The following PXDNL variants were observed in gnomAD, a reference collection of about 807,000 sequenced individuals.
The protein encoded by PXDNL is probable oxidoreductase PXDNL.
In PXDNL, 145 loss-of-function variants were observed where a neutral mutation model predicts 150.8. The observed-to-expected ratio is 0.96, with a 90% CI of 0.84 to 1.10. The LOEUF (loss-of-function observed/expected upper bound fraction) is 1.10. Ranked by LOEUF, PXDNL falls within the 50% of genes least tolerant of loss-of-function variation. The pLI is 0.00. For synonymous variants in PXDNL, 757 were observed against 725.7 expected, an observed-to-expected ratio of 1.04 and a Z score of -0.69; for missense variants, 2,087 against 1,873.9, an observed-to-expected ratio of 1.11 and a Z score of -2.10.
intron 18 of PXDNL, among the ~76,000 whole-genome samples, chr8:51,373,835 C>T (rs970084635): frequency 2.6e-5 from 4 of 152,158 alleles, no homozygotes; most frequent in Admixed American, 2.6e-4. Flanking sequence ...ATACCATGCC[C>T]TGGAACATAC....
chr8:51,696,805 T>TCACACACACACACA (rs769772282), intron 1 of PXDNL, among the ~76,000 whole-genome samples: 1 of 26,422 alleles, frequency 3.8e-5, no homozygotes, highest in African/African-American at 2.4e-4. Flanking sequence ...ACATAGGTCT[T>TCACACACACACACA]CACACACACA....
At chr8:51,421,937 A>G (rs1002979038) in intron 14 of PXDNL, among the ~76,000 whole-genome samples, 2 of 152,102 alleles carry the variant, frequency 1.3e-5, no homozygotes, top group Non-Finnish European at 2.9e-5. Context: ...CCAACCCCCA[A>G]TACTGGTCAC....
At chr8:51,723,752 T>C (rs908622902) in intron 1 of PXDNL, among the ~76,000 whole-genome samples, 1 of 152,126 alleles carries the variant, frequency 6.6e-6, no homozygotes, top group Non-Finnish European at 1.5e-5. Context: ...GGCTGTTTCC[T>C]AAGGGCAGTC....
Position 51,763,320 on chromosome 8 carries a change from T to TAAAA in PXDNL, c.164+45857_164+45860dup, listed in dbSNP as rs58440027. 2.5e-3 allele frequency among the ~76,000 whole-genome samples: 354 copies of TAAAA among 141,684 alleles called. 1 individual carries two copies. Among genetic ancestry groups the TAAAA allele is most frequent in the Non-Finnish European group, 4.4e-3 (283 of 64,846 alleles). The allele number at this position is 141,684 out of a possible 152,430, so 93.0% of individuals were successfully genotyped here. A position where few individuals can be genotyped will look rare whatever the true frequency, so the allele number is the denominator to read the frequency against. On this transcript the variant is annotated intron_variant, in intron 1 of 22. Coordinates refer to ENST00000356297, the MANE Select transcript of PXDNL (RefSeq NM_144651.5). ...ACATGTACCCTAGAACTTAAAGTAT[T>TAAAA]AAAAAAAAAAAAAAGAACCAAAATG...
At chr8:51,557,714 C>T (rs866917849) in intron 3 of PXDNL, among the ~76,000 whole-genome samples, 2 of 152,064 alleles carry the variant, frequency 1.3e-5, no homozygotes, top group Admixed American at 6.6e-5. Context: ...TAAAGTTCAC[C>T]CACAAACCTA....
chr8:51,595,991 A>G (rs1813555800), intron 2 of PXDNL, among the ~76,000 whole-genome samples: 1 of 152,068 alleles, frequency 6.6e-6, no homozygotes, highest in Non-Finnish European at 1.5e-5. Flanking sequence ...GGTATGGATA[A>G]TCCCATCACC....
chr8:51,673,825 A>G (rs1353285443), intron 1 of PXDNL, among the ~76,000 whole-genome samples: 1 of 152,236 alleles, frequency 6.6e-6, no homozygotes, highest in African/African-American at 2.4e-5. Flanking sequence ...TCAGCAATTT[A>G]GACTTAAAAG....
chr8:51,447,017 A>G lies in PXDNL; in HGVS notation c.1512T>C (p.Thr504=). 6.2e-7 allele frequency: 1 copy of G among 1,613,970 alleles called. No homozygotes were observed. The highest frequency in any genetic ancestry group is 1.1e-5 in the South Asian group (1 of 91,078). ...LGVKKVSVQL[T]VKPKALAVFT... ...AGTATATATTACCTTTGGGTTTTAC[A>G]GTCAGCTGCACAGACACCTTTTTCA... The change falls in exon 12 of 23, where the codon ACT becomes ACC. Residue 504 remains threonine, a synonymous_variant. Transcript: ENST00000356297.
At chr8:51,381,182 T>G (rs940928292) in intron 17 of PXDNL, among the ~76,000 whole-genome samples, 7 of 152,216 alleles carry the variant, frequency 4.6e-5, no homozygotes, top group African/African-American at 1.7e-4. Context: ...ATTCCCTAAA[T>G]GACTCCATGG....
intron 19 of PXDNL, among the ~76,000 whole-genome samples, chr8:51,349,160 TGG>T (rs1402850270): frequency 1.1e-4 from 8 of 70,698 alleles, no homozygotes; most frequent in South Asian, 6.6e-4. Context: ...TAACGGTGGG[TGG>T]GTGTGTGTGT....
intron 1 of PXDNL, among the ~76,000 whole-genome samples, chr8:51,674,743 G>T (rs913773823): frequency 2.6e-5 from 4 of 152,182 alleles, no homozygotes; most frequent in Non-Finnish European, 5.9e-5. Context: ...CCCCATGGGC[G>T]CTGTGCAGCC....
At chr8:51,421,670 G>C (rs1430384550) in intron 14 of PXDNL, among the ~76,000 whole-genome samples, 2 of 152,174 alleles carry the variant, frequency 1.3e-5, no homozygotes, top group South Asian at 4.1e-4. Context: ...CTGCACTCCA[G>C]CCTGGGCAAC....
intron 1 of PXDNL, among the ~76,000 whole-genome samples, chr8:51,718,199 C>T (rs916860988): frequency 6.6e-6 from 1 of 152,050 alleles, no homozygotes; most frequent in Non-Finnish European, 1.5e-5. Flanking sequence ...CCAAGCAGAC[C>T]CCAACACCAC....
chr8:51,758,891 A>C (rs780900040), intron 1 of PXDNL, among the ~76,000 whole-genome samples: 5 of 152,196 alleles, frequency 3.3e-5, no homozygotes, highest in African/African-American at 4.8e-5. Flanking sequence ...CCACAGCTCT[A>C]ATCCTCCCTG....
At chr8:51,407,769 G>C (rs770311093) in intron 17 of PXDNL, among the ~76,000 whole-genome samples, 6 of 152,166 alleles carry the variant, frequency 3.9e-5, no homozygotes, top group Non-Finnish European at 8.8e-5. Context: ...GCCTTGCTTG[G>C]ATTACCGCAG....
chr8:51,405,436 T>G (rs1428859322), intron 17 of PXDNL, among the ~76,000 whole-genome samples: 2 of 152,104 alleles, frequency 1.3e-5, no homozygotes, highest in Admixed American at 6.5e-5. Flanking sequence ...CTTGGCCATG[T>G]GAGGATGCGG....
intron 1 of PXDNL, among the ~76,000 whole-genome samples, chr8:51,718,531 G>A (rs943786119): frequency 2.0e-5 from 3 of 152,196 alleles, no homozygotes; most frequent in Non-Finnish European, 4.4e-5. Context: ...ACCGTGGCTC[G>A]AACTTCATAG....
At chr8:51,725,038 A>G (rs1476835093) in intron 1 of PXDNL, among the ~76,000 whole-genome samples, 2 of 151,800 alleles carry the variant, frequency 1.3e-5, no homozygotes, top group East Asian at 3.9e-4. Context: ...CCCAGGCTGG[A>G]GTGCAGTGGC....
intron 21 of PXDNL, among the ~76,000 whole-genome samples, chr8:51,336,940 A>G (rs1008949637): frequency 2.0e-5 from 3 of 152,138 alleles, no homozygotes; most frequent in Non-Finnish European, 4.4e-5. Flanking sequence ...GATTATGGAG[A>G]GATCTAGAGC....
Sources: gnomAD v4.1 joint callset for allele counts (sites outside exome capture counted in the v4.1 genomes callset) on GRCh38, gnomAD v4.1.1 for gene constraint, MANE v1.5 for transcripts, NCBI Gene and HGNC (gene_info 2026-07-23, HGNC 2026-07-21) for gene names.